FBXL7: variants seen among roughly 807,000 people sequenced by gnomAD.
FBXL7 encodes the protein F-box and leucine rich repeat protein 7, also known as F-box/LRR-repeat protein 7.
Under a neutral mutation model 38.3 loss-of-function variants are expected in FBXL7, and 12 were observed. The ratio of observed to expected loss-of-function variants is 0.31; its 90% CI spans 0.20 to 0.51. The LOEUF (loss-of-function observed/expected upper bound fraction) is 0.51. Among genes scored for constraint, FBXL7 ranks in the 20% least tolerant of loss-of-function variants. The pLI is 0.98. For missense variants in FBXL7, 567 were observed against 676.4 expected (o/e 0.84, Z 1.79); for synonymous variants, 297 against 300.9 (o/e 0.99, Z 0.13).
In FBXL7 at chr5:15,928,072, G is replaced by T. The variant is rs753753518; in HGVS notation, c.310G>T (p.Ala104Ser). The T allele has an allele frequency of 1.0e-5, 15 of 1,490,730 alleles. No individual in the cohort carries two copies. The South Asian group carries it at 1.4e-4, about 13-fold the overall frequency. The allele number at this position is 1,490,730 out of a possible 1,614,324, so 92.3% of individuals were successfully genotyped here. A position where few individuals can be genotyped will look rare whatever the true frequency, so the allele number is the denominator to read the frequency against. ...TRLTHPLIRL[A>S]SRPQKEQASI... Reference sequence around the variant, plus strand: ...CCTCACACACCCGCTCATCCGGCTCGCCTCCAGACCCCAGAAGGAGCAGGC... The same window carrying T: ...CCTCACACACCCGCTCATCCGGCTCTCCTCCAGACCCCAGAAGGAGCAGGC... Residue 104 changes from alanine to serine, a missense_variant, in exon 3 of 4, where the codon GCC (alanine) becomes TCC (serine). Ala to Ser is a moderately conservative substitution (Grantham distance 99). Transcript: ENST00000504595. The surrounding 1 kb of genome is among the most constrained non-coding windows in gnomAD (Gnocchi z 4.0).
At chr5:15,613,637 T>C in intron 1 of FBXL7, among the ~76,000 whole-genome samples, 1 of 152,244 alleles carries the variant, frequency 6.6e-6, no homozygotes, top group East Asian at 1.9e-4. Flanking sequence ...AGCCATTCCC[T>C]CCTCAAGTGA....
rs564998592 is a variant in FBXL7 at position 15,654,236 on chromosome 5, G to A, written c.127+38164G>A. ...ACTCCTGAATAGTTCTTCAAATCAG[G>A]ACAGATAAAGTTGGCAACTGATGGA... On this transcript the variant is annotated intron_variant, in intron 2 of 3. Transcript: ENST00000504595. 2.6e-5 allele frequency among the ~76,000 whole-genome samples: 4 copies of A among 152,204 alleles called. No individual in the cohort carries two copies. The South Asian group carries it at 8.3e-4, about 32-fold the overall frequency.
chr5:15,925,865 A>G (rs2126454261), intron 2 of FBXL7, among the ~76,000 whole-genome samples: 1 of 152,336 alleles, frequency 6.6e-6, no homozygotes, highest in Admixed American at 6.5e-5. Context: ...AAAGTGATAC[A>G]CATTCAGTAG....
At chr5:15,870,151 G>C (rs1739891874) in intron 2 of FBXL7, among the ~76,000 whole-genome samples, 1 of 152,198 alleles carries the variant, frequency 6.6e-6, no homozygotes, top group Non-Finnish European at 1.5e-5. Context: ...TCAAGGTATG[G>C]TGAGGGGGGA....
intron 2 of FBXL7, among the ~76,000 whole-genome samples, chr5:15,868,278 A>G (rs1739805942): frequency 6.6e-6 from 1 of 152,162 alleles, no homozygotes; most frequent in African/African-American, 2.4e-5. Flanking sequence ...GAGAAGATAA[A>G]TGAGTTTGCC....
intron 2 of FBXL7, among the ~76,000 whole-genome samples, chr5:15,788,023 G>A (rs936545416): frequency 7.2e-5 from 11 of 152,046 alleles, no homozygotes; most frequent in African/African-American, 2.7e-4. Flanking sequence ...CCTGGCTTCT[G>A]GTGGCTCCTG....
intron 1 of FBXL7, among the ~76,000 whole-genome samples, chr5:15,571,390 G>T (rs1329031075): frequency 6.6e-6 from 1 of 152,126 alleles, no homozygotes; most frequent in East Asian, 1.9e-4. Context: ...ACCCTCCAGG[G>T]TCCTGGGAAA....
chr5:15,923,891 A>G (rs1466006518), intron 2 of FBXL7, among the ~76,000 whole-genome samples: 2 of 151,550 alleles, frequency 1.3e-5, no homozygotes, highest in Admixed American at 6.6e-5. Context: ...TTCATTCCTC[A>G]GTGGCCACCT....
At chr5:15,644,067 C>A (rs1028086863) in intron 2 of FBXL7, among the ~76,000 whole-genome samples, 18 of 152,090 alleles carry the variant, frequency 1.2e-4, no homozygotes, top group Non-Finnish European at 2.1e-4. Flanking sequence ...GTCTGTCCTC[C>A]TTGAATAGTT....
intron 2 of FBXL7, among the ~76,000 whole-genome samples, chr5:15,679,590 T>G (rs1742780925): frequency 6.7e-6 from 1 of 149,496 alleles, no homozygotes; most frequent in East Asian, 2.0e-4. Context: ...GAATGGTGTC[T>G]CTCACACACT....
At position 15,928,040 on chromosome 5, in the gene FBXL7, C is replaced by T; in HGVS notation, c.278C>T (p.Pro93Leu). The change falls in exon 3 of 4, where the codon CCG (proline) becomes CTG (leucine). Residue 93 changes from proline to leucine, a missense_variant. Pro to Leu is a moderately conservative substitution (Grantham distance 98, BLOSUM62 -3). Coordinates refer to ENST00000504595, the MANE Select transcript of FBXL7 (RefSeq NM_012304.5). The surrounding 1 kb of genome is among the most constrained non-coding windows in gnomAD (Gnocchi z 4.0). ...GTGGCCATGGTGCACTCCCCGCCCC[C>T]GACCCGCCTCACACACCCGCTCATC... is the stretch of plus-strand genomic sequence containing the variant. ...ETVAMVHSPPPTRLTHPLIRL... is the reference protein window; with the variant it reads ...ETVAMVHSPPLTRLTHPLIRL... 4.5e-6 allele frequency: 3 copies of T among 673,890 alleles called. No individual in the cohort carries two copies. Among genetic ancestry groups the T allele is most frequent in the South Asian group, 1.4e-5 (1 of 73,172 alleles). The allele number at this position is 673,890 out of a possible 1,614,324, so 41.7% of individuals were successfully genotyped here.
At chr5:15,822,334 C>T (rs1270344334) in intron 2 of FBXL7, among the ~76,000 whole-genome samples, 9 of 152,036 alleles carry the variant, frequency 5.9e-5, no homozygotes, top group Admixed American at 5.9e-4. Flanking sequence ...TGCACTCCAG[C>T]CTGGGTGACA....
intron 1 of FBXL7, among the ~76,000 whole-genome samples, chr5:15,549,696 A>G (rs1238214122): frequency 6.6e-6 from 1 of 152,180 alleles, no homozygotes; most frequent in African/African-American, 2.4e-5. Flanking sequence ...CTCTTGTTAT[A>G]TAAGTAGCTA....
At chr5:15,677,474 A>AAG (rs1554013981) in intron 2 of FBXL7, among the ~76,000 whole-genome samples, 5 of 149,084 alleles carry the variant, frequency 3.4e-5, no homozygotes, top group Admixed American at 6.7e-5. Flanking sequence ...AAAAGAAAGA[A>AAG]AGAGAGAGAG....
intron 1 of FBXL7, among the ~76,000 whole-genome samples, chr5:15,515,222 T>G (rs963525005): frequency 1.3e-5 from 2 of 152,190 alleles, no homozygotes; most frequent in Non-Finnish European, 2.9e-5. Context: ...AGTTAAGAGA[T>G]ATGCACTGGT....
intron 3 of FBXL7, among the ~76,000 whole-genome samples, chr5:15,935,953 G>A (rs1179292685): frequency 6.6e-6 from 1 of 152,122 alleles, no homozygotes; most frequent in Non-Finnish European, 1.5e-5. Context: ...CAAGGTACAT[G>A]CCCGAGCTTT....
intron 2 of FBXL7, among the ~76,000 whole-genome samples, chr5:15,754,740 C>T (rs965602584): frequency 6.6e-5 from 10 of 152,180 alleles, no homozygotes; most frequent in Admixed American, 3.3e-4. Flanking sequence ...AGCACAAGCA[C>T]GTACATTATT....
At chr5:15,669,775 G>C (rs149791611) in intron 2 of FBXL7, among the ~76,000 whole-genome samples, 1 of 152,264 alleles carries the variant, frequency 6.6e-6, no homozygotes, top group African/African-American at 2.4e-5. Context: ...TGTTAATGTG[G>C]ATTAATACAG....
intron 2 of FBXL7, among the ~76,000 whole-genome samples, chr5:15,817,148 A>G (rs1243435524): frequency 6.6e-6 from 1 of 152,180 alleles, no homozygotes; most frequent in African/African-American, 2.4e-5. Context: ...AATGAGAATG[A>G]CATCCCTTAC....
Sources: gnomAD v4.1 joint callset for allele counts (sites outside exome capture counted in the v4.1 genomes callset) on GRCh38, gnomAD v4.1.1 for gene constraint, Gnocchi (gnomAD v3.1) non-coding constraint, MANE v1.5 for transcripts, NCBI Gene and HGNC (gene_info 2026-07-23, HGNC 2026-07-21) for gene names.